Variants in FAM120A observed in about 807,000 individuals in gnomAD.
The protein encoded by FAM120A is constitutive coactivator of PPAR-gamma-like protein 1.
A neutral mutation model predicts 109.7 loss-of-function variants in FAM120A; 15 were observed. The ratio of observed to expected loss-of-function variants is 0.14; its 90% CI spans 0.09 to 0.21. The LOEUF is 0.21. Among genes scored for constraint, FAM120A ranks in the 10% least tolerant of loss-of-function variants. The pLI is 1.00. For synonymous variants in FAM120A, 493 were observed against 572.8 expected (o/e 0.86, Z 1.99); for missense variants, 899 against 1,439.3 (o/e 0.62, Z 6.07).
chr9:93,470,427 C>T (rs762003606), intron 1 of FAM120A, among the ~76,000 whole-genome samples: 18 of 151,974 alleles, frequency 1.2e-4, no homozygotes, highest in Non-Finnish European at 1.5e-4. Flanking sequence ...TGTGGAAATC[C>T]GAGGTATTGT....
At chr9:93,473,231 G>A (rs1858390919) in intron 2 of FAM120A, among the ~76,000 whole-genome samples, 1 of 152,034 alleles carries the variant, frequency 6.6e-6, no homozygotes, top group Non-Finnish European at 1.5e-5. Context: ...TGGCCAGGCT[G>A]GTCTTGAACT....
chr9:93,519,443 A>G (rs531270757), intron 7 of FAM120A, among the ~76,000 whole-genome samples: 1 of 152,024 alleles, frequency 6.6e-6, no homozygotes, highest in Non-Finnish European at 1.5e-5. Flanking sequence ...AGGTTTCACC[A>G]TGTTGGCCAG....
intron 10 of FAM120A, among the ~76,000 whole-genome samples, chr9:93,536,765 G>A (rs556551386): frequency 5.9e-5 from 9 of 152,164 alleles, no homozygotes; most frequent in African/African-American, 2.2e-4. Flanking sequence ...CTAGGTGATA[G>A]CAAAAAAAGA....
chr9:93,478,484 T>C (rs1025398033), intron 3 of FAM120A, among the ~76,000 whole-genome samples: 1 of 152,180 alleles, frequency 6.6e-6, no homozygotes, highest in Non-Finnish European at 1.5e-5. Context: ...GCCACTTTAA[T>C]GTTTTTATTT....
chr9:93,465,319 C>G (rs117131632), intron 1 of FAM120A, among the ~76,000 whole-genome samples: 1 of 152,194 alleles, frequency 6.6e-6, no homozygotes, highest in African/African-American at 2.4e-5. Context: ...GGGCCTCTTA[C>G]GAATATTCTT....
chr9:93,534,751 C>T (rs552224964), intron 10 of FAM120A, among the ~76,000 whole-genome samples: 1 of 152,126 alleles, frequency 6.6e-6, no homozygotes, highest in Admixed American at 6.5e-5. Context: ...AAAAATTAGA[C>T]AGTCCTGATA....
chr9:93,481,544 G>A (rs1858808513), intron 3 of FAM120A, among the ~76,000 whole-genome samples: 1 of 152,034 alleles, frequency 6.6e-6, no homozygotes, highest in Admixed American at 6.5e-5. Flanking sequence ...AGTGGTTTTT[G>A]TGTTCCTTAA....
intron 3 of FAM120A, among the ~76,000 whole-genome samples, chr9:93,483,898 C>T (rs72745405): frequency 0.11 from 17,245 of 152,220 alleles, 1,246 homozygotes; most frequent in Non-Finnish European, 0.16. Flanking sequence ...AAACTGAACT[C>T]AAAAGGATTT....
intron 12 of FAM120A, among the ~76,000 whole-genome samples, chr9:93,553,295 G>T (rs1178879908): frequency 6.6e-6 from 1 of 152,176 alleles, no homozygotes; most frequent in African/African-American, 2.4e-5. Flanking sequence ...TTTCTCCCTT[G>T]CCTTGACATT....
At chr9:93,550,539 T>C in intron 11 of FAM120A, 38 bp from the exon 12 acceptor site, 1 of 1,530,506 alleles carries the variant, frequency 6.5e-7, no homozygotes, top group Non-Finnish European at 9.0e-7. Context: ...GGGCGACCAC[T>C]CAGTAATCAC....
rs2297376 is a variant in FAM120A, at chr9:93,497,300, C to T, written c.805-171C>T. On this transcript the variant is annotated intron_variant, in intron 3 of 17. Transcript: ENST00000277165. ...AAAATCCAGTTCTTGAGCTTCAGAA[C>T]GTGAACGGCTTAGGAAAGTCTTAGG... is the stretch of plus-strand genomic sequence containing the variant. Among the ~76,000 whole-genome samples, 42,539 of 152,120 alleles carry T rather than the reference C, an allele frequency of 0.28. 7,032 individuals carry two copies. Among genetic ancestry groups the T allele is most frequent in the East Asian group, 0.44 (2,297 of 5,168 alleles).
chr9:93,502,076 G>A (rs1023542359), intron 5 of FAM120A, among the ~76,000 whole-genome samples: 1 of 152,130 alleles, frequency 6.6e-6, no homozygotes, highest in Non-Finnish European at 1.5e-5. Flanking sequence ...GTGGTCTTTG[G>A]TGATCTGTCA....
chr9:93,497,160 C>A (rs577528362), intron 3 of FAM120A, among the ~76,000 whole-genome samples: 1 of 152,320 alleles, frequency 6.6e-6, no homozygotes, highest in East Asian at 1.9e-4. Flanking sequence ...AGGTCCTGGC[C>A]TTGGAATTAA....
chr9:93,512,332 G>C (rs953388116), intron 5 of FAM120A, among the ~76,000 whole-genome samples: 1 of 152,274 alleles, frequency 6.6e-6, no homozygotes, highest in African/African-American at 2.4e-5. Flanking sequence ...GCATATAGGC[G>C]TAAGTGAGTC....
chr9:93,529,283 C>G (rs561015380), intron 8 of FAM120A, 70 bp from the exon 9 acceptor site: 2 of 1,379,540 alleles, frequency 1.4e-6, no homozygotes, highest in Non-Finnish European at 2.0e-6. Context: ...GAACAGGCAC[C>G]TACCATACTT....
chr9:93,522,263 T>G lies in FAM120A; in HGVS notation c.1419-4892T>G, dbSNP rs572678242. On this transcript the variant is annotated intron_variant, in intron 7 of 17. Transcript: ENST00000277165. Reference sequence around the variant, plus strand: ...CATCTTGATACAAAGTTATATAGAATTCAAACACTGGACAATACAGTATAG... The same window carrying G: ...CATCTTGATACAAAGTTATATAGAAGTCAAACACTGGACAATACAGTATAG... Among the ~76,000 whole-genome samples the G allele has an allele frequency of 1.7e-4, 26 of 152,342 alleles. 1 individual carries two copies. The South Asian group carries it at 3.7e-3, about 22-fold the overall frequency.
intron 3 of FAM120A, among the ~76,000 whole-genome samples, chr9:93,481,810 G>C (rs751694020): frequency 6.6e-6 from 1 of 152,076 alleles, no homozygotes; most frequent in Non-Finnish European, 1.5e-5. Flanking sequence ...TTTCTGCATG[G>C]TGAGCCTCCC....
intron 1 of FAM120A, chr9:93,453,285 C>T (rs1564300605): frequency 1.0e-6 from 1 of 987,556 alleles, no homozygotes; most frequent in Non-Finnish European, 1.2e-6. Flanking sequence ...CCTCCTCTGG[C>T]CCTTTGGCAG....
intron 12 of FAM120A, among the ~76,000 whole-genome samples, chr9:93,555,477 A>G (rs1248076475): frequency 6.6e-6 from 1 of 152,236 alleles, no homozygotes; most frequent in Admixed American, 6.5e-5. Flanking sequence ...ACATGTAGGC[A>G]TTGCTTAGAT....
Sources: gnomAD v4.1 joint callset for allele counts (sites outside exome capture counted in the v4.1 genomes callset) on GRCh38, gnomAD v4.1.1 for gene constraint, MANE v1.5 for transcripts, NCBI Gene and HGNC (gene_info 2026-07-23, HGNC 2026-07-21) for gene names.